The following CACNA1B variants were observed in gnomAD, a reference collection of about 807,000 sequenced individuals.
CACNA1B encodes calcium voltage-gated channel subunit alpha1 B.
In CACNA1B, 70 loss-of-function variants were observed where a neutral mutation model predicts 247.2. The ratio of observed to expected loss-of-function variants is 0.28; its 90% CI spans 0.23 to 0.35. The LOEUF is 0.35. CACNA1B is among the 10% of genes least tolerant of loss of function. CACNA1B has a pLI of 1.00. For missense variants in CACNA1B, 2,367 were observed against 3,197.4 expected (o/e 0.74, Z 6.26); for synonymous variants, 1,231 against 1,294.4 (o/e 0.95, Z 1.05).
chr9:137,883,820 G>T (rs1956963666), intron 3 of CACNA1B, among the ~76,000 whole-genome samples: 1 of 152,000 alleles, frequency 6.6e-6, no homozygotes, highest in East Asian at 1.9e-4. Context: ...GGAGGGAGCA[G>T]GCCCCACAGC....
At chr9:137,968,284 T>A (rs1958104971) in intron 10 of CACNA1B, among the ~76,000 whole-genome samples, 1 of 152,216 alleles carries the variant, frequency 6.6e-6, no homozygotes, top group South Asian at 2.1e-4. Flanking sequence ...TGCCCTCGAC[T>A]GCCTTCTGCC....
chr9:138,062,092 C>G (rs1233618120), intron 31 of CACNA1B, among the ~76,000 whole-genome samples: 1 of 152,204 alleles, frequency 6.6e-6, no homozygotes, highest in African/African-American at 2.4e-5. Flanking sequence ...CATGCCTGTT[C>G]CCAAGGCCCA....
chr9:137,970,673 G>A (rs1346661726), intron 10 of CACNA1B, among the ~76,000 whole-genome samples: 1 of 152,148 alleles, frequency 6.6e-6, no homozygotes, highest in Non-Finnish European at 1.5e-5. Context: ...GAAAGTGTGT[G>A]GGAAGGAGTC....
At chr9:138,111,713 C>G (rs1961638405) in intron 39 of CACNA1B, among the ~76,000 whole-genome samples, 1 of 152,140 alleles carries the variant, frequency 6.6e-6, no homozygotes, top group Non-Finnish European at 1.5e-5. Context: ...CCTCCACTGC[C>G]TTCCCTAACC....
chr9:138,084,673 C>T (rs1405250785), intron 36 of CACNA1B, among the ~76,000 whole-genome samples: 2 of 151,086 alleles, frequency 1.3e-5, no homozygotes, highest in East Asian at 2.0e-4. Context: ...AGGAAATCAC[C>T]AGGTGTGGTG....
intron 10 of CACNA1B, among the ~76,000 whole-genome samples, chr9:137,959,350 G>A (rs1257265842): frequency 1.3e-5 from 2 of 152,264 alleles, no homozygotes; most frequent in East Asian, 3.9e-4. Flanking sequence ...TGGGATTACA[G>A]GTGTGAGCCA....
At chr9:138,004,716 A>C (rs2133409760) in intron 15 of CACNA1B, among the ~76,000 whole-genome samples, 1 of 152,312 alleles carries the variant, frequency 6.6e-6, no homozygotes, top group Non-Finnish European at 1.5e-5. Flanking sequence ...TGGAACCCTA[A>C]AGACTTGGAT....
chr9:138,051,759 T>C lies in CACNA1B; in HGVS notation c.3711-333T>C, dbSNP rs1959289635. 6.6e-6 allele frequency among the ~76,000 whole-genome samples: 1 copy of C among 152,202 alleles called. No homozygotes were observed. Among genetic ancestry groups the C allele is most frequent in the South Asian group, 2.1e-4 (1 of 4,834 alleles). ...GCTTGTGGGCTCCCACTTCTGGGTC[T>C]GCAGTCCTCGTGCGGGTCTCTTCTG... On this transcript the variant is annotated intron_variant, in intron 24 of 46. Coordinates refer to ENST00000371372, the MANE Select transcript of CACNA1B (RefSeq NM_000718.4). The surrounding 1 kb of genome is among the most constrained non-coding windows in gnomAD (Gnocchi z 4.3).
At chr9:138,094,035 A>G (rs1960971525) in intron 36 of CACNA1B, among the ~76,000 whole-genome samples, 1 of 152,260 alleles carries the variant, frequency 6.6e-6, no homozygotes, top group African/African-American at 2.4e-5. Context: ...TTCCATCAAC[A>G]GATGAATGGG....
rs553668857 is a variant in CACNA1B at position 137,990,028 on chromosome 9, C to T, written c.1974+3174C>T. 1.3e-5 allele frequency among the ~76,000 whole-genome samples: 2 copies of T among 152,256 alleles called. No individual in the cohort carries two copies. Among genetic ancestry groups the T allele is most frequent in the African/African-American group, 4.8e-5 (2 of 41,550 alleles). On this transcript the variant is annotated intron_variant, in intron 15 of 46. Coordinates refer to ENST00000371372, the MANE Select transcript of CACNA1B (RefSeq NM_000718.4). The surrounding 1 kb of genome is among the most constrained non-coding windows in gnomAD (Gnocchi z 4.5). ...TCATGAACTTTTGCTCCAAGAACTA[C>T]CACGGGAAGTTCTTGGAACTACCAC...
At chr9:138,076,329 G>A (rs946564297) in intron 35 of CACNA1B, among the ~76,000 whole-genome samples, 1 of 152,138 alleles carries the variant, frequency 6.6e-6, no homozygotes. Flanking sequence ...ACAGGGATTG[G>A]TGGGATCGAG....
intron 15 of CACNA1B, among the ~76,000 whole-genome samples, chr9:137,994,633 A>G (rs1468719832): frequency 6.6e-6 from 1 of 152,238 alleles, no homozygotes; most frequent in Non-Finnish European, 1.5e-5. Context: ...TAAAATAAAT[A>G]CTTAGGAATA....
At chr9:138,055,144 T>C (rs1397674249) in intron 26 of CACNA1B, among the ~76,000 whole-genome samples, 4 of 151,452 alleles carry the variant, frequency 2.6e-5, no homozygotes, top group Admixed American at 1.3e-4. Flanking sequence ...TTTTTTTTTT[T>C]GAGACAGGAT....
At chr9:138,028,853 C>T (rs1264328714) in intron 20 of CACNA1B, among the ~76,000 whole-genome samples, 1 of 152,158 alleles carries the variant, frequency 6.6e-6, no homozygotes, top group East Asian at 1.9e-4. Context: ...TTGGTTGGTT[C>T]AGGTGAGCTC....
At chr9:138,119,379 CTG>C (rs1199635813) in intron 44 of CACNA1B, among the ~76,000 whole-genome samples, 1 of 152,140 alleles carries the variant, frequency 6.6e-6, no homozygotes, top group East Asian at 1.9e-4. Context: ...TCTGGGAACA[CTG>C]TGCCCCGGCC....
intron 20 of CACNA1B, among the ~76,000 whole-genome samples, chr9:138,030,741 C>G (rs1055186558): frequency 6.6e-6 from 1 of 152,088 alleles, no homozygotes; most frequent in African/African-American, 2.4e-5. Context: ...AATATAATTT[C>G]CTTAATAGAT....
intron 34 of CACNA1B, among the ~76,000 whole-genome samples, chr9:138,075,160 C>T (rs989722593): frequency 1.3e-5 from 2 of 152,206 alleles, no homozygotes; most frequent in Admixed American, 1.3e-4. Context: ...AAACTGATTT[C>T]TAAACTCTAT....
chr9:137,895,238 G>A (rs889997116), intron 3 of CACNA1B, among the ~76,000 whole-genome samples: 2 of 152,058 alleles, frequency 1.3e-5, no homozygotes, highest in African/African-American at 2.4e-5. Context: ...TCCTGATCAC[G>A]GTAGTTATGT....
At chr9:137,985,587 C>A (rs1044381416) in intron 13 of CACNA1B, among the ~76,000 whole-genome samples, 3 of 152,234 alleles carry the variant, frequency 2.0e-5, no homozygotes, top group South Asian at 2.1e-4. Flanking sequence ...ATAGCGGGGC[C>A]TCTGATGTGG....
Sources: allele counts gnomAD v4.1 joint callset (sites outside exome capture counted in the v4.1 genomes callset), GRCh38; gene constraint gnomAD v4.1.1; non-coding constraint Gnocchi (gnomAD v3.1); transcripts MANE v1.5; gene names NCBI Gene and HGNC (gene_info 2026-07-23, HGNC 2026-07-21).